The following HERC3 variants were observed in gnomAD, a reference collection of about 807,000 sequenced individuals.
HERC3 encodes the protein HECT and RLD domain containing E3 ubiquitin protein ligase 3, also known as probable E3 ubiquitin-protein ligase HERC3.
Under a neutral mutation model 129.9 loss-of-function variants are expected in HERC3, and 58 were observed. The ratio of observed to expected loss-of-function variants is 0.45; its 90% CI spans 0.36 to 0.56. The LOEUF (loss-of-function observed/expected upper bound fraction) is 0.56. Among genes scored for constraint, HERC3 ranks in the 20% least tolerant of loss-of-function variants. HERC3 has a pLI of 0.00. For synonymous variants in HERC3, 430 were observed against 451.0 expected (o/e 0.95, Z 0.59); for missense variants, 835 against 1,244.2 (o/e 0.67, Z 4.95).
At chr4:88,641,986 T>C (rs1009611913) in intron 3 of HERC3, among the ~76,000 whole-genome samples, 1 of 151,616 alleles carries the variant, frequency 6.6e-6, no homozygotes, top group Non-Finnish European at 1.5e-5. Context: ...AAAAATTAAC[T>C]TGGGCATGCT....
At chr4:88,609,479 G>C (rs1246831233) in intron 3 of HERC3, among the ~76,000 whole-genome samples, 1 of 152,200 alleles carries the variant, frequency 6.6e-6, no homozygotes, top group Non-Finnish European at 1.5e-5. Flanking sequence ...TGTCTCTGGA[G>C]TTACAGGGAA....
intron 23 of HERC3, among the ~76,000 whole-genome samples, chr4:88,692,445 A>G (rs897757448): frequency 6.6e-6 from 1 of 152,146 alleles, no homozygotes; most frequent in Non-Finnish European, 1.5e-5. Flanking sequence ...AAGGGCATCT[A>G]GATTCCGTAG....
chr4:88,595,120 AAAAG>A (rs1363227470), intron 1 of HERC3, among the ~76,000 whole-genome samples: 8 of 151,396 alleles, frequency 5.3e-5, no homozygotes, highest in South Asian at 2.1e-4. Flanking sequence ...AAAAAAAAAA[AAAAG>A]AAAAGGAATG....
Position 88,652,076 on chromosome 4 carries a change from G to C in HERC3, c.451G>C (p.Ala151Pro). 6.2e-7 allele frequency: 1 copy of C among 1,611,066 alleles called. No individual in the cohort carries two copies. Among genetic ancestry groups the C allele is most frequent in the Non-Finnish European group, 8.5e-7 (1 of 1,177,232 alleles). ...TTCCTGTGGCAACTGGCATTGCTTGGCTCTTGCGGCTGGTAAAGTAACATT... is the reference window on the plus strand; with the variant it reads ...TTCCTGTGGCAACTGGCATTGCTTGCCTCTTGCGGCTGGTAAAGTAACATT... Reference protein sequence around the residue: ...QVSCGNWHCLALAADGQFFTW... With the variant: ...QVSCGNWHCLPLAADGQFFTW... The change falls in exon 5 of 26, where the codon GCT becomes CCT. Residue 151 changes from alanine to proline, a missense_variant. Transcript: ENST00000402738.
At chr4:88,581,562 T>A in the HERC3 span, among the ~76,000 whole-genome samples, 1 of 152,036 alleles carries the variant, frequency 6.6e-6, no homozygotes, top group Non-Finnish European at 1.5e-5. Flanking sequence ...CACCTTGGCC[T>A]CCTAAAGTAT....
upstream of HERC3, among the ~76,000 whole-genome samples, chr4:88,589,652 C>T (rs972986829): frequency 1.1e-4 from 16 of 152,112 alleles, no homozygotes; most frequent in Admixed American, 9.2e-4. Flanking sequence ...AAAAAGTAAA[C>T]CATGGCCTCT....
intron 24 of HERC3, 87 bp from the exon 25 acceptor site, chr4:88,704,421 T>C (rs1204896687): frequency 8.3e-7 from 1 of 1,212,074 alleles, no homozygotes; most frequent in African/African-American, 1.5e-5. Flanking sequence ...CAGCACTTAT[T>C]TCTTAGCCTC....
chr4:88,698,242 C>T (rs1467132997), intron 23 of HERC3, among the ~76,000 whole-genome samples: 6 of 152,284 alleles, frequency 3.9e-5, no homozygotes, highest in South Asian at 2.1e-4. Flanking sequence ...TAGATTCCTC[C>T]GCATTCCTCT....
chr4:88,555,297 A>T, the HERC3 span, among the ~76,000 whole-genome samples: 1 of 145,998 alleles, frequency 6.8e-6, no homozygotes, highest in Non-Finnish European at 1.5e-5. Flanking sequence ...AAAAAAAAAG[A>T]AAAAGAAAAA....
chr4:88,620,326 C>T (rs1236460965), intron 3 of HERC3, among the ~76,000 whole-genome samples: 2 of 152,184 alleles, frequency 1.3e-5, no homozygotes, highest in Non-Finnish European at 2.9e-5. Context: ...TAATTGCTAC[C>T]TTAAACCTAA....
the HERC3 span, among the ~76,000 whole-genome samples, chr4:88,548,989 T>C: frequency 6.6e-6 from 1 of 152,144 alleles, no homozygotes; most frequent in Non-Finnish European, 1.5e-5. Flanking sequence ...ATGGTGTCCT[T>C]TGCAGTACAG....
intron 23 of HERC3, among the ~76,000 whole-genome samples, chr4:88,692,637 C>T (rs916641094): frequency 2.0e-5 from 3 of 152,204 alleles, no homozygotes; most frequent in Non-Finnish European, 4.4e-5. Flanking sequence ...ATGCCAGTAA[C>T]ACTTCTTGAG....
At chr4:88,686,944 G>A in intron 22 of HERC3, 142 bp downstream of exon 22, 1 of 697,836 alleles carries the variant, frequency 1.4e-6, no homozygotes, top group Non-Finnish European at 2.5e-6. Context: ...ATAGTGTCTT[G>A]AGTGTTATAG....
the HERC3 span, among the ~76,000 whole-genome samples, chr4:88,551,165 C>A: frequency 1.3e-5 from 2 of 152,008 alleles, no homozygotes; most frequent in Non-Finnish European, 2.9e-5. Context: ...AACGTTAGAC[C>A]TAAAACCATA....
At chr4:88,606,198 A>G (rs1723605259) in intron 3 of HERC3, 149 bp downstream of exon 3, 3 of 542,748 alleles carry the variant, frequency 5.5e-6, no homozygotes, top group Non-Finnish European at 9.6e-6. Flanking sequence ...CCTGTTTGGA[A>G]CCCTTGTGTC....
At chr4:88,697,661 C>T (rs778776622) in intron 23 of HERC3, 9 of 1,613,044 alleles carry the variant, frequency 5.6e-6, no homozygotes, top group Non-Finnish European at 6.8e-6. Flanking sequence ...CCACCCTGCG[C>T]ACCGCCTTCC....
the HERC3 span, among the ~76,000 whole-genome samples, chr4:88,564,911 T>C: frequency 6.6e-6 from 1 of 152,020 alleles, no homozygotes; most frequent in Non-Finnish European, 1.5e-5. Flanking sequence ...ATAGGTTTTT[T>C]TATGTTCTGT....
chr4:88,561,397 A>C, the HERC3 span, among the ~76,000 whole-genome samples: 2 of 152,280 alleles, frequency 1.3e-5, no homozygotes, highest in South Asian at 4.1e-4. Flanking sequence ...TAGTAGGTAT[A>C]TATATTTATG....
chr4:88,550,483 A>G, the HERC3 span, among the ~76,000 whole-genome samples: 1 of 151,090 alleles, frequency 6.6e-6, no homozygotes, highest in Non-Finnish European at 1.5e-5. Context: ...ATTCTTATAC[A>G]CCAGTAACAG....
Sources: allele counts gnomAD v4.1 joint callset (sites outside exome capture counted in the v4.1 genomes callset), GRCh38; gene constraint gnomAD v4.1.1; transcripts MANE v1.5; gene names NCBI Gene and HGNC (gene_info 2026-07-23, HGNC 2026-07-21).